Variants in ALG3 observed in about 807,000 individuals in gnomAD.
ALG3 encodes the protein ALG3 alpha-1,3- mannosyltransferase.
A neutral mutation model predicts 50.5 loss-of-function variants in ALG3; 39 were observed. The observed-to-expected ratio is 0.77, with a 90% CI of 0.60 to 1.01. The LOEUF (loss-of-function observed/expected upper bound fraction) is 1.01. Among genes scored for constraint, ALG3 ranks in the 50% least tolerant of loss-of-function variants. ALG3 has a pLI of 0.00. For synonymous variants in ALG3, 252 were observed against 237.2 expected, an observed-to-expected ratio of 1.06 and a Z score of -0.58; for missense variants, 520 against 554.8, an observed-to-expected ratio of 0.94 and a Z score of 0.63.
chr3:184,244,486 G>T, intron 5 of ALG3, 115 bp downstream of exon 5: 1 of 1,338,490 alleles, frequency 7.5e-7, no homozygotes, highest in East Asian at 2.5e-5. Context: ...CCCTAGCTCA[G>T]AATCAACTCC....
chr3:184,246,899 GGTTT>G (rs376638955), intron 1 of ALG3, among the ~76,000 whole-genome samples: 39 of 151,944 alleles, frequency 2.6e-4, no homozygotes, highest in East Asian at 9.7e-4. Flanking sequence ...TGGCCAGGCT[GGTTT>G]GTTTGTTTGT....
intron 8 of ALG3, 36 bp downstream of exon 8, chr3:184,242,777 T>C: frequency 6.2e-7 from 1 of 1,611,562 alleles, no homozygotes; most frequent in South Asian, 1.1e-5. Context: ...GAACTCCCTA[T>C]CCCTTCCCAC....
At chr3:184,245,692 G>T in intron 2 of ALG3, 21 bp downstream of exon 2, 1 of 1,610,718 alleles carries the variant, frequency 6.2e-7, no homozygotes, top group Non-Finnish European at 8.5e-7. Flanking sequence ...CATCCTCCCT[G>T]AACTTCCTGT....
rs774115007 is a variant in ALG3 at position 184,243,514 on chromosome 3, A to G, written c.1009+40T>C. On this transcript the variant is annotated intron_variant, in intron 7 of 8. Coordinates refer to ENST00000397676, the MANE Select transcript of ALG3 (RefSeq NM_005787.6). Reference sequence around the variant, plus strand: ...CCTGACCAGGACTCTGTCAGCACCTAGAGAGGGCAAGACTTACCTTCCCAC... The same window carrying G: ...CCTGACCAGGACTCTGTCAGCACCTGGAGAGGGCAAGACTTACCTTCCCAC... The G allele has an allele frequency of 2.5e-6, 4 of 1,599,022 alleles. No individual in the cohort carries two copies. The South Asian group carries it at 4.4e-5, about 18-fold the overall frequency.
chr3:184,242,963 C>T lies in ALG3; in HGVS notation c.1010-6G>A, dbSNP rs750517699. 2.5e-5 allele frequency: 40 copies of T among 1,612,474 alleles called. No individual in the cohort carries two copies. Among genetic ancestry groups the T allele is most frequent in the African/African-American group, 5.3e-5 (4 of 74,874 alleles). On this transcript the variant is annotated splice_polypyrimidine_tract_variant and splice_region_variant and intron_variant, in intron 7 of 8. Coordinates refer to ENST00000397676, the MANE Select transcript of ALG3 (RefSeq NM_005787.6). ...GAAGAGGGTAGAAACGATCTGTATG[C>T]GGTGGTCAAGGCCAAGGGCAGGAGT...
At chr3:184,248,977 C>A, upstream of ALG3, 1 of 1,548,730 alleles carries the variant, frequency 6.5e-7, no homozygotes, top group Non-Finnish European at 8.7e-7. Flanking sequence ...CCACCACCCC[C>A]GGAAACCCGA....
chr3:184,244,770 G>T, intron 4 of ALG3, 49 bp from the exon 5 acceptor site: 1 of 1,585,792 alleles, frequency 6.3e-7, no homozygotes. Flanking sequence ...CCAGGGCCAT[G>T]CACACAACAC....
At position 184,245,095 on chromosome 3, in the gene ALG3, C is replaced by T. The variant is rs1033343895; in HGVS notation, c.605+103G>A. On this transcript the variant is annotated intron_variant, in intron 4 of 8. Transcript: ENST00000397676. ...ACTCGCTTTGTGGAGCCCTGAGTGACCCATGCTGTCTTGGCTACTCCTTTA... is the reference window on the plus strand; with the variant it reads ...ACTCGCTTTGTGGAGCCCTGAGTGATCCATGCTGTCTTGGCTACTCCTTTA... 4.1e-6 allele frequency: 6 copies of T among 1,449,350 alleles called. No homozygotes were observed. The African/African-American group carries it at 7.1e-5, about 17-fold the overall frequency. The allele number at this position is 1,449,350 out of a possible 1,614,324, so 89.8% of individuals were successfully genotyped here. A position where few individuals can be genotyped will look rare whatever the true frequency, so the allele number is the denominator to read the frequency against.
At position 184,245,199 on chromosome 3, in the gene ALG3, T is replaced by A; in HGVS notation, c.604A>T (p.Ser202Cys). 2 of 1,613,724 alleles carry A rather than the reference T, an allele frequency of 1.2e-6. No homozygotes were observed. The highest frequency in any genetic ancestry group is 1.7e-6 in the Non-Finnish European group (2 of 1,179,838). ...GACCAGAAAGGAAGAGGTGTTGACCTGAAAAAGCAGCAACCCCAGCCCCAG... is the reference window on the plus strand; with the variant it reads ...GACCAGAAAGGAAGAGGTGTTGACCAGAAAAAGCAGCAACCCCAGCCCCAG... ...QRWGWGCCFF[S>C]LAVSVKMNVL... is the part of the protein sequence containing the mutation. Residue 202 changes from serine (S) to cysteine (C), a missense_variant and splice_region_variant, in exon 4 of 9, where the codon AGC becomes TGC. Physicochemically the swap from Ser to Cys is moderately radical, Grantham distance 112. This residue lies in a region of ALG3 where 290 missense variants were observed against 265.9 expected (regional missense o/e 1.09). Transcript: ENST00000397676.
At chr3:184,244,083 G>T in intron 5 of ALG3, 87 bp from the exon 6 acceptor site, 1 of 1,333,318 alleles carries the variant, frequency 7.5e-7, no homozygotes, top group Non-Finnish European at 1.0e-6. Context: ...GTGTGGGACG[G>T]GGATGTAGGC....
intron 2 of ALG3, 24 bp downstream of exon 2, chr3:184,245,689 C>T: frequency 1.2e-6 from 2 of 1,610,516 alleles, no homozygotes; most frequent in Non-Finnish European, 1.7e-6. Context: ...TCACATCCTC[C>T]CTGAACTTCC....
chr3:184,245,124 C>T lies in ALG3; in HGVS notation c.605+74G>A, dbSNP rs145184810. 2.3e-5 allele frequency: 37 copies of T among 1,575,546 alleles called. No homozygotes were observed. In the Middle Eastern group the frequency reaches 5.1e-4, roughly 22 times the overall value. On this transcript the variant is annotated intron_variant, in intron 4 of 8. Coordinates refer to ENST00000397676, the MANE Select transcript of ALG3 (RefSeq NM_005787.6). ...TGCTGTCTTGGCTACTCCTTTACTCCCTCTGCTGCAGGAAATTGGGAAGAG... is the reference window on the plus strand; with the variant it reads ...TGCTGTCTTGGCTACTCCTTTACTCTCTCTGCTGCAGGAAATTGGGAAGAG...
chr3:184,249,324 C>T (rs575561520), upstream of ALG3: 41 of 1,580,684 alleles, frequency 2.6e-5, no homozygotes, highest in South Asian at 4.2e-4. Context: ...CTGTTCGCGC[C>T]CCTCCTGCCT....
At chr3:184,248,034 T>C (rs1227943894) in intron 1 of ALG3, among the ~76,000 whole-genome samples, 49 of 149,114 alleles carry the variant, frequency 3.3e-4, no homozygotes, top group Non-Finnish European at 6.4e-4. Flanking sequence ...TTTTTTTTTT[T>C]CAGTAGAGAC....
chr3:184,243,947 G>A lies in ALG3; in HGVS notation c.776C>T (p.Ser259Phe). ...FLLENPSGYL[S>F]RSFDLGRQFL... ...CTGGCGGCCAAGGTCAAAGGAGCGGGACAGGTAGCCGCTGGGGTTCTCCAG... is the reference window on the plus strand; with the variant it reads ...CTGGCGGCCAAGGTCAAAGGAGCGGAACAGGTAGCCGCTGGGGTTCTCCAG... The change falls in exon 6 of 9, where the codon TCC (serine) becomes TTC (phenylalanine). Residue 259 changes from serine (S) to phenylalanine (F), a missense_variant. Transcript: ENST00000397676. 1.9e-6 allele frequency: 3 copies of A among 1,613,818 alleles called. No individual in the cohort carries two copies. Among genetic ancestry groups the A allele is most frequent in the Non-Finnish European group, 2.5e-6 (3 of 1,179,904 alleles).
intron 2 of ALG3, 47 bp from the exon 3 acceptor site, chr3:184,245,662 A>G (rs2108442286): frequency 6.2e-7 from 1 of 1,610,798 alleles, no homozygotes; most frequent in South Asian, 1.1e-5. Flanking sequence ...CACACAGACT[A>G]GTACCTAACC....
intron 4 of ALG3, 107 bp downstream of exon 4, chr3:184,245,091 G>A: frequency 1.4e-6 from 2 of 1,429,814 alleles, no homozygotes; most frequent in South Asian, 2.5e-5. Flanking sequence ...GGAGCCCTGA[G>A]TGACCCATGC....
chr3:184,248,271 T>C (rs1219565847), intron 1 of ALG3, among the ~76,000 whole-genome samples: 1 of 152,216 alleles, frequency 6.6e-6, no homozygotes, highest in African/African-American at 2.4e-5. Context: ...GAAAGCCAAG[T>C]GCCTTAAGCC....
intron 1 of ALG3, 116 bp from the exon 2 acceptor site, chr3:184,245,928 CCT>C: frequency 1.3e-6 from 1 of 747,222 alleles, no homozygotes; most frequent in Non-Finnish European, 2.3e-6. Flanking sequence ...GGCTTTACTA[CCT>C]CTTAATCTAA....
Sources: gnomAD v4.1 joint callset for allele counts (sites outside exome capture counted in the v4.1 genomes callset) on GRCh38, gnomAD v4.1.1 for gene constraint, gnomAD v4.1.1 regional missense constraint, MANE v1.5 for transcripts, NCBI Gene and HGNC (gene_info 2026-07-23, HGNC 2026-07-21) for gene names.